Variants in ST8SIA5 observed in about 807,000 individuals in gnomAD.
The protein encoded by ST8SIA5 is ST8 alpha-N-acetyl-neuraminide alpha-2,8-sialyltransferase 5.
A neutral mutation model predicts 40.2 loss-of-function variants in ST8SIA5; 24 were observed. That is an observed-to-expected ratio of 0.60 (90% CI 0.43 to 0.84). The LOEUF is 0.84. Among genes scored for constraint, ST8SIA5 ranks in the 40% least tolerant of loss-of-function variants. The pLI, the probability that ST8SIA5 is intolerant of heterozygous loss-of-function variation, is 0.00. For synonymous variants in ST8SIA5, 198 were observed against 201.8 expected (o/e 0.98, Z 0.16); for missense variants, 465 against 498.5 (o/e 0.93, Z 0.64).
chr18:46,697,521 A>T (rs2039568355), intron 2 of ST8SIA5, among the ~76,000 whole-genome samples: 1 of 152,330 alleles, frequency 6.6e-6, no homozygotes, highest in East Asian at 1.9e-4. Context: ...GCAATGTAAC[A>T]AGATCCCATC....
At chr18:46,740,740 A>C (rs1432519369) in intron 1 of ST8SIA5, among the ~76,000 whole-genome samples, 1 of 152,204 alleles carries the variant, frequency 6.6e-6, no homozygotes, top group African/African-American at 2.4e-5. Flanking sequence ...TATGACCTTG[A>C]ACAAATTACT....
chr18:46,729,889 G>C (rs1390008598), intron 1 of ST8SIA5, among the ~76,000 whole-genome samples: 1 of 152,106 alleles, frequency 6.6e-6, no homozygotes, highest in South Asian at 2.1e-4. Flanking sequence ...AGAGGTTAGG[G>C]GGTGGTGAGA....
In ST8SIA5 at chr18:46,704,727, G is replaced by T. The variant is rs371679996; in HGVS notation, c.132-63C>A. The stretch of plus-strand genomic sequence containing the variant: ...GTCAGGATGTCCAGGGCCTGCAGGG[G>T]CTCTTGTTGCAGGGTGGAGTGTCTG... On this transcript the variant is annotated intron_variant, in intron 1 of 6. Coordinates refer to ENST00000315087, the MANE Select transcript of ST8SIA5 (RefSeq NM_013305.6). 2.5e-5 allele frequency: 33 copies of T among 1,346,670 alleles called. 1 individual carries two copies. The highest frequency in any genetic ancestry group is 3.5e-5 in the Non-Finnish European group (33 of 937,268). 83.4% of individuals were successfully genotyped at this position (1,346,670 alleles called of 1,614,324 possible). A position where few individuals can be genotyped will look rare whatever the true frequency, so the allele number is the denominator to read the frequency against.
chr18:46,718,294 C>A (rs1006666634), intron 1 of ST8SIA5, among the ~76,000 whole-genome samples: 3 of 141,178 alleles, frequency 2.1e-5, no homozygotes, highest in Non-Finnish European at 4.5e-5. Flanking sequence ...TGCATCACTG[C>A]ACTCCAGCCT....
intron 1 of ST8SIA5, among the ~76,000 whole-genome samples, chr18:46,755,837 T>C (rs955333539): frequency 3.3e-5 from 5 of 152,114 alleles, no homozygotes. Context: ...ATTGTAAGAC[T>C]TCACTATCAC....
chr18:46,756,545 C>A lies in ST8SIA5; in HGVS notation c.-37G>T. 6.2e-7 allele frequency: 1 copy of A among 1,608,416 alleles called. No homozygotes were observed. The highest frequency in any genetic ancestry group is 1.3e-5 in the African/African-American group (1 of 74,520). On this transcript the variant is annotated 5_prime_UTR_variant, in exon 1 of 7. Coordinates refer to ENST00000315087, the MANE Select transcript of ST8SIA5 (RefSeq NM_013305.6). Reference sequence around the variant, plus strand: ...GGCGCCGCGGGCGCGGGGTACGGGGCGGCCAGGCAATGACTCGCGGGGTTC... The same window carrying A: ...GGCGCCGCGGGCGCGGGGTACGGGGAGGCCAGGCAATGACTCGCGGGGTTC...
intron 1 of ST8SIA5, among the ~76,000 whole-genome samples, chr18:46,708,491 G>A (rs143318155): frequency 7.9e-4 from 120 of 152,254 alleles, no homozygotes; most frequent in African/African-American, 2.6e-3. Flanking sequence ...AATTCCTGGA[G>A]ATAGTAAAGG....
Position 46,678,911 on chromosome 18 carries a change from G to A in ST8SIA5, c.*1131C>T. 1 of 152,294 alleles carries A rather than the reference G, an allele frequency of 6.6e-6. No individual in the cohort carries two copies. 9.4% of individuals were successfully genotyped at this position (152,294 alleles called of 1,614,324 possible). On this transcript the variant is annotated 3_prime_UTR_variant, in exon 7 of 7. Transcript: ENST00000315087. ...GATATGTGAACCCCTCTCTGCCTAAGCCCAGCTGACTGCCCCAAGCCCAGG... is the reference window on the plus strand; with the variant it reads ...GATATGTGAACCCCTCTCTGCCTAAACCCAGCTGACTGCCCCAAGCCCAGG...
intron 5 of ST8SIA5, among the ~76,000 whole-genome samples, chr18:46,683,227 A>G (rs2039415404): frequency 6.6e-6 from 1 of 152,200 alleles, no homozygotes; most frequent in Non-Finnish European, 1.5e-5. Flanking sequence ...AGTTGATACA[A>G]AGGCACCATA....
chr18:46,756,818 A>C lies in ST8SIA5; in HGVS notation c.-310T>G. ...CGGGTAGCCGCCGATTTCCCCGCGG[A>C]GGGGAGACGCCAGGTGCCACGAGCC... On this transcript the variant is annotated 5_prime_UTR_variant, in exon 1 of 7. Coordinates refer to ENST00000315087, the MANE Select transcript of ST8SIA5 (RefSeq NM_013305.6). 1 of 312,630 alleles carries C rather than the reference A, an allele frequency of 3.2e-6. No homozygotes were observed. The highest frequency in any genetic ancestry group is 5.8e-6 in the Non-Finnish European group (1 of 171,128). The allele number at this position is 312,630 out of a possible 1,614,324, so 19.4% of individuals were successfully genotyped here.
rs1365165982 is a variant in ST8SIA5, at chr18:46,675,629, G to A, written c.*4413C>T. Reference sequence around the variant, plus strand: ...ATTTCTGCAGGAATGCTCCTAGGAAGAGAAGAGAACCCTGAGGAAGCTTCA... The same window carrying A: ...ATTTCTGCAGGAATGCTCCTAGGAAAAGAAGAGAACCCTGAGGAAGCTTCA... On this transcript the variant is annotated 3_prime_UTR_variant, in exon 7 of 7. Coordinates refer to ENST00000315087, the MANE Select transcript of ST8SIA5 (RefSeq NM_013305.6). 1 of 152,226 alleles carries A rather than the reference G, an allele frequency of 6.6e-6. No individual in the cohort carries two copies. Among genetic ancestry groups the A allele is most frequent in the East Asian group, 1.9e-4 (1 of 5,200 alleles). The allele number at this position is 152,226 out of a possible 1,614,324, so 9.4% of individuals were successfully genotyped here.
At chr18:46,710,009 G>A (rs2039706902) in intron 1 of ST8SIA5, among the ~76,000 whole-genome samples, 1 of 152,148 alleles carries the variant, frequency 6.6e-6, no homozygotes, top group South Asian at 2.1e-4. Context: ...GTTCGTCACT[G>A]TCTCTACTTT....
chr18:46,721,123 C>G lies in ST8SIA5; in HGVS notation c.132-16459G>C, dbSNP rs544931515. Among the ~76,000 whole-genome samples the G allele has an allele frequency of 2.0e-5, 3 of 152,274 alleles. No homozygotes were observed. In the East Asian group the frequency reaches 5.8e-4, roughly 29 times the overall value. ...GAGACCAAGACTCCCCACCCTACCC[C>G]CTGATAGAAGGGGCCAGTGAATCCC... On this transcript the variant is annotated intron_variant, in intron 1 of 6. Coordinates refer to ENST00000315087, the MANE Select transcript of ST8SIA5 (RefSeq NM_013305.6).
In ST8SIA5 at chr18:46,679,332, G is replaced by A. The variant is rs1484481298; in HGVS notation, c.*710C>T. ...GCACCAAGACCGCATGTGTGTCCGAGGATGTGTCTGAAAGGATGTGGTGCT... is the reference window on the plus strand; with the variant it reads ...GCACCAAGACCGCATGTGTGTCCGAAGATGTGTCTGAAAGGATGTGGTGCT... On this transcript the variant is annotated 3_prime_UTR_variant, in exon 7 of 7. Transcript: ENST00000315087. 6.6e-6 allele frequency: 1 copy of A among 152,136 alleles called. No homozygotes were observed. The highest frequency in any genetic ancestry group is 1.5e-5 in the Non-Finnish European group (1 of 68,174). The allele number at this position is 152,136 out of a possible 1,614,324, so 9.4% of individuals were successfully genotyped here. A position where few individuals can be genotyped will look rare whatever the true frequency, so the allele number is the denominator to read the frequency against.
intron 1 of ST8SIA5, among the ~76,000 whole-genome samples, chr18:46,725,972 A>AAAAATATAT (rs59660372): frequency 0.015 from 437 of 28,922 alleles, 18 homozygotes; most frequent in Non-Finnish European, 0.02. Flanking sequence ...AAAAAAAAAA[A>AAAAATATAT]ATATATATAT....
chr18:46,709,361 T>G (rs1274308955), intron 1 of ST8SIA5, among the ~76,000 whole-genome samples: 1 of 152,240 alleles, frequency 6.6e-6, no homozygotes, highest in Non-Finnish European at 1.5e-5. Context: ...TTCTGCCACC[T>G]TGATCTTGGA....
At position 46,725,541 on chromosome 18, in the gene ST8SIA5, G is replaced by T. The variant is rs572395590; in HGVS notation, c.132-20877C>A. The stretch of plus-strand genomic sequence containing the variant: ...ACACTCATTATTAAATGGCACGGGT[G>T]GGGGGGGAACAAGTTACAAAAGGAG... On this transcript the variant is annotated intron_variant, in intron 1 of 6. Transcript: ENST00000315087. 5.0e-3 allele frequency among the ~76,000 whole-genome samples: 566 copies of T among 113,148 alleles called. 2 individuals are homozygous for T. The highest frequency in any genetic ancestry group is 6.6e-3 in the Non-Finnish European group (390 of 59,360). 74.2% of individuals were successfully genotyped at this position (113,148 alleles called of 152,430 possible). A position where few individuals can be genotyped will look rare whatever the true frequency, so the allele number is the denominator to read the frequency against.
At chr18:46,750,168 A>G (rs1162894179) in intron 1 of ST8SIA5, among the ~76,000 whole-genome samples, 1 of 152,226 alleles carries the variant, frequency 6.6e-6, no homozygotes, top group Non-Finnish European at 1.5e-5. Context: ...AAGACACGGG[A>G]AGACATTCAA....
intron 1 of ST8SIA5, among the ~76,000 whole-genome samples, chr18:46,710,823 T>C (rs534238592): frequency 2.0e-5 from 3 of 152,262 alleles, no homozygotes; most frequent in Admixed American, 2.0e-4. Context: ...AACAGTACTC[T>C]GGGTCCCAGC....
Sources: allele counts gnomAD v4.1 joint callset (sites outside exome capture counted in the v4.1 genomes callset), GRCh38; gene constraint gnomAD v4.1.1; transcripts MANE v1.5; gene names NCBI Gene and HGNC (gene_info 2026-07-23, HGNC 2026-07-21).